SMG6: variants seen among roughly 807,000 people sequenced by gnomAD.
The protein encoded by SMG6 is SMG6 nonsense mediated mRNA decay factor, also known as telomerase-binding protein EST1A.
A neutral mutation model predicts 142.2 loss-of-function variants in SMG6; 66 were observed. The observed-to-expected ratio is 0.46, with a 90% CI of 0.38 to 0.57. The LOEUF (loss-of-function observed/expected upper bound fraction) is 0.57. SMG6 is among the 20% of genes least tolerant of loss of function. The pLI is 0.00. For missense variants in SMG6, 1,793 were observed against 1,832.0 expected (o/e 0.98, Z 0.39); for synonymous variants, 779 against 702.4 (o/e 1.11, Z -1.72).
intron 13 of SMG6, among the ~76,000 whole-genome samples, chr17:2,119,731 G>A (rs903229740): frequency 2.6e-5 from 4 of 151,916 alleles, no homozygotes; most frequent in Non-Finnish European, 4.4e-5. Flanking sequence ...GCGTGATCTC[G>A]GCTCACTGCA....
chr17:2,292,768 C>CCT, intron 5 of SMG6, 103 bp downstream of exon 5: 2 of 1,378,186 alleles, frequency 1.5e-6, no homozygotes, highest in Non-Finnish European at 1.0e-6. Flanking sequence ...CTACAGGGAC[C>CCT]AATAGGGACA....
At chr17:2,217,672 C>T (rs1359766215) in intron 10 of SMG6, among the ~76,000 whole-genome samples, 5 of 152,140 alleles carry the variant, frequency 3.3e-5, no homozygotes, top group Admixed American at 2.6e-4. Flanking sequence ...TGCACTGGCT[C>T]CCCTCAGCCA....
At chr17:2,182,515 T>C (rs777608370) in intron 12 of SMG6, among the ~76,000 whole-genome samples, 27 of 151,958 alleles carry the variant, frequency 1.8e-4, no homozygotes, top group Middle Eastern at 3.4e-3. Context: ...TTGAGGCAAG[T>C]ACAGGGAAAA....
intron 10 of SMG6, among the ~76,000 whole-genome samples, chr17:2,201,953 G>A (rs949022189): frequency 3.0e-4 from 46 of 152,208 alleles, no homozygotes; most frequent in African/African-American, 1.1e-3. Flanking sequence ...GAACCCAGAA[G>A]GTGGAGGTTG....
intron 9 of SMG6, among the ~76,000 whole-genome samples, chr17:2,241,611 G>A (rs2073802480): frequency 6.6e-6 from 1 of 152,102 alleles, no homozygotes; most frequent in African/African-American, 2.4e-5. Context: ...GGCTGGTCTT[G>A]AACTCCTGGG....
chr17:2,206,413 A>AAAATAAAT (rs759621983), intron 10 of SMG6, among the ~76,000 whole-genome samples: 5 of 151,734 alleles, frequency 3.3e-5, no homozygotes, highest in African/African-American at 1.2e-4. Flanking sequence ...CTCTACAAAA[A>AAAATAAAT]AAATAAATAA....
At chr17:2,291,332 G>GAA (rs547897407) in intron 6 of SMG6, among the ~76,000 whole-genome samples, 3 of 131,246 alleles carry the variant, frequency 2.3e-5, no homozygotes, top group African/African-American at 5.6e-5. Context: ...CTCCGTCTCA[G>GAA]AAAAAAAAAA....
intron 13 of SMG6, chr17:2,087,151 A>C (rs1388880093): frequency 7.7e-7 from 1 of 1,290,536 alleles, no homozygotes; most frequent in Admixed American, 2.3e-5. Context: ...CTGGTGGCAA[A>C]GCCTAAATCT....
intron 13 of SMG6, among the ~76,000 whole-genome samples, chr17:2,145,599 C>T (rs1232658417): frequency 7.2e-6 from 1 of 138,048 alleles, no homozygotes; most frequent in Admixed American, 7.6e-5. Context: ...CGAGATCGCG[C>T]CACTGCACTC....
intron 13 of SMG6, among the ~76,000 whole-genome samples, chr17:2,165,835 G>A (rs2071321265): frequency 6.6e-6 from 1 of 152,094 alleles, no homozygotes; most frequent in Non-Finnish European, 1.5e-5. Flanking sequence ...AACCCAGGAG[G>A]TCGAGACTGC....
Position 2,068,854 on chromosome 17 carries a change from G to A in SMG6, c.3759C>T (p.Asn1253=), listed in dbSNP as rs1312959045. ...IRPLFLVPDT[N]GFIDHLASLA... Reference sequence around the variant, plus strand: ...GACTGGCCAGGTGGTCAATGAAGCCGTTGGTGTCTGGTACGAGGAACAAAG... The same window carrying A: ...GACTGGCCAGGTGGTCAATGAAGCCATTGGTGTCTGGTACGAGGAACAAAG... Residue 1253 remains asparagine (N), a synonymous_variant, in exon 16 of 19, where the codon AAC becomes AAT. Transcript: ENST00000263073. This position sits in a 1 kb window ranked among gnomAD's most constrained non-coding sequence, Gnocchi z 6.7. 3 of 1,614,098 alleles carry A rather than the reference G, an allele frequency of 1.9e-6. No homozygotes were observed. The highest frequency in any genetic ancestry group is 1.7e-5 in the Admixed American group (1 of 60,006).
intron 13 of SMG6, among the ~76,000 whole-genome samples, chr17:2,116,046 T>C (rs960821736): frequency 3.9e-5 from 6 of 152,150 alleles, no homozygotes; most frequent in Non-Finnish European, 7.4e-5. Flanking sequence ...TCACTAACTT[T>C]TAATAAAAAT....
chr17:2,213,496 A>G (rs929966991), intron 10 of SMG6, among the ~76,000 whole-genome samples: 1 of 152,206 alleles, frequency 6.6e-6, no homozygotes, highest in Non-Finnish European at 1.5e-5. Context: ...GCTGAGTTCC[A>G]GGCCATCATT....
At chr17:2,166,423 A>C (rs955531691) in intron 13 of SMG6, among the ~76,000 whole-genome samples, 1 of 152,230 alleles carries the variant, frequency 6.6e-6, no homozygotes, top group African/African-American at 2.4e-5. Flanking sequence ...AAAAAATGCC[A>C]AATGAAAAAG....
chr17:2,153,506 C>T (rs779506825), intron 13 of SMG6, among the ~76,000 whole-genome samples: 1 of 152,224 alleles, frequency 6.6e-6, no homozygotes, highest in Non-Finnish European at 1.5e-5. Context: ...TATGCAAACC[C>T]GCCCATCTTG....
In SMG6 at chr17:2,081,154, G is replaced by A. The variant is rs1175932561; in HGVS notation, c.3681+656C>T. Among the ~76,000 whole-genome samples, 5 of 152,224 alleles carry A rather than the reference G, an allele frequency of 3.3e-5. No homozygotes were observed. The South Asian group carries it at 6.2e-4, about 19-fold the overall frequency. On this transcript the variant is annotated intron_variant, in intron 15 of 18. Coordinates refer to ENST00000263073, the MANE Select transcript of SMG6 (RefSeq NM_017575.5). ...CTATGCACACGGTTCACCTTTAAACGGGGAGCAGGACTGCCTCTTCCCTGT... is the reference window on the plus strand; with the variant it reads ...CTATGCACACGGTTCACCTTTAAACAGGGAGCAGGACTGCCTCTTCCCTGT...
intron 3 of SMG6, among the ~76,000 whole-genome samples, chr17:2,297,563 AACACAC>A (rs113462824): frequency 4.6e-5 from 7 of 150,616 alleles, no homozygotes; most frequent in African/African-American, 9.8e-5. Flanking sequence ...TGAACACATG[AACACAC>A]ACACACACAC....
At chr17:2,238,799 A>C (rs990010440) in intron 9 of SMG6, among the ~76,000 whole-genome samples, 5 of 152,250 alleles carry the variant, frequency 3.3e-5, no homozygotes, top group Non-Finnish European at 5.9e-5. Flanking sequence ...TCAAATGTCC[A>C]CATTTCCTTT....
rs761084499 is a variant in SMG6 at position 2,299,768 on chromosome 17, T to C, written c.985A>G (p.Arg329Gly). Reference protein sequence around the residue: ...RSSERKRHLERNWSGRGEGEQ... With the variant: ...RSSERKRHLEGNWSGRGEGEQ... ...CCCTCCCCACGGCCAGACCAGTTTCTTTCTAAATGTCTCTTCCTTTCTGAA... is the reference window on the plus strand; with the variant it reads ...CCCTCCCCACGGCCAGACCAGTTTCCTTCTAAATGTCTCTTCCTTTCTGAA... The change falls in exon 2 of 19, where the codon AGA (arginine) becomes GGA (glycine). Residue 329 changes from arginine (R) to glycine (G), a missense_variant. By Grantham distance (125) the Arg-to-Gly change is moderately radical. Around this residue, in one of 3 missense-constraint regions of SMG6, gnomAD observed 1,597 missense variants for 1,584.6 expected, o/e 1.01. Coordinates refer to ENST00000263073, the MANE Select transcript of SMG6 (RefSeq NM_017575.5). This position sits in a 1 kb window ranked among gnomAD's most constrained non-coding sequence, Gnocchi z 4.3. 1 of 1,614,232 alleles carries C rather than the reference T, an allele frequency of 6.2e-7. No individual in the cohort carries two copies. The highest frequency in any genetic ancestry group is 2.2e-5 in the East Asian group (1 of 44,884).
Sources: allele counts gnomAD v4.1 joint callset (sites outside exome capture counted in the v4.1 genomes callset), GRCh38; gene constraint gnomAD v4.1.1; regional missense constraint gnomAD v4.1.1; non-coding constraint Gnocchi (gnomAD v3.1); transcripts MANE v1.5; gene names NCBI Gene and HGNC (gene_info 2026-07-23, HGNC 2026-07-21).